NRXN3: variants seen among roughly 807,000 people sequenced by gnomAD.
NRXN3 encodes the protein neurexin 3.
NRXN3 carries 32 observed loss-of-function variants against 137.6 expected under a neutral mutation model. The ratio of observed to expected loss-of-function variants is 0.23; its 90% CI spans 0.18 to 0.31. The LOEUF is 0.31. Ranked by LOEUF, NRXN3 falls within the 10% of genes least tolerant of loss-of-function variation. NRXN3 has a pLI of 1.00. For synonymous variants in NRXN3, 798 were observed against 784.5 expected, an observed-to-expected ratio of 1.02 and a Z score of -0.29; for missense variants, 1,574 against 2,062.5, an observed-to-expected ratio of 0.76 and a Z score of 4.59.
At chr14:79,780,270 T>A (rs1208644992) in intron 19 of NRXN3, among the ~76,000 whole-genome samples, 1 of 152,136 alleles carries the variant, frequency 6.6e-6, no homozygotes, top group Non-Finnish European at 1.5e-5. Flanking sequence ...TTAGCTTATA[T>A]ACCAGTTTCA....
rs1261198228 is a variant in NRXN3 at position 78,359,915 on chromosome 14, A to G, written c.757+62055A>G. Among the ~76,000 whole-genome samples the G allele has an allele frequency of 3.3e-5, 5 of 151,986 alleles. 1 individual carries two copies. Among genetic ancestry groups the G allele is most frequent in the Admixed American group, 2.0e-4 (3 of 15,252 alleles). On this transcript the variant is annotated intron_variant, in intron 4 of 20. Coordinates refer to ENST00000335750, the MANE Select transcript of NRXN3 (RefSeq NM_001330195.2). ...TCTCCAGAACCTTATTCTGTCATCAATATCCCCCTGTCTCTCTTGAATTTT... is the reference window on the plus strand; with the variant it reads ...TCTCCAGAACCTTATTCTGTCATCAGTATCCCCCTGTCTCTCTTGAATTTT...
intron 15 of NRXN3, among the ~76,000 whole-genome samples, chr14:79,374,954 A>G (rs1198502365): frequency 6.6e-6 from 1 of 152,164 alleles, no homozygotes. Context: ...CATGAACAGC[A>G]GCATCCAAAA....
rs150905027 is a variant in NRXN3 at position 78,509,509 on chromosome 14, A to G, written c.758-135611A>G. ...TAATCATTTTTCTCTTTGCCACACAATGGAACTCTGCGATTTGGCCCTTCA... is the reference window on the plus strand; with the variant it reads ...TAATCATTTTTCTCTTTGCCACACAGTGGAACTCTGCGATTTGGCCCTTCA... On this transcript the variant is annotated intron_variant, in intron 4 of 20. Coordinates refer to ENST00000335750, the MANE Select transcript of NRXN3 (RefSeq NM_001330195.2). Among the ~76,000 whole-genome samples, 295 of 152,218 alleles carry G rather than the reference A, an allele frequency of 1.9e-3. 1 individual carries two copies. The highest frequency in any genetic ancestry group is 6.9e-3 in the African/African-American group (285 of 41,558).
At chr14:79,009,382 A>T (rs1423830166) in intron 15 of NRXN3, among the ~76,000 whole-genome samples, 1 of 152,214 alleles carries the variant, frequency 6.6e-6, no homozygotes, top group Non-Finnish European at 1.5e-5. Context: ...TTTACTGAGA[A>T]TCCAGGGATC....
At chr14:79,455,848 A>G (rs1477455684) in intron 15 of NRXN3, among the ~76,000 whole-genome samples, 4 of 151,852 alleles carry the variant, frequency 2.6e-5, no homozygotes, top group African/African-American at 7.2e-5. Flanking sequence ...TTCAAATATT[A>G]TCGGGTAAAT....
At chr14:78,409,088 A>G (rs1211435361) in intron 4 of NRXN3, among the ~76,000 whole-genome samples, 1 of 152,222 alleles carries the variant, frequency 6.6e-6, no homozygotes, top group Non-Finnish European at 1.5e-5. Flanking sequence ...CCTTCAATAA[A>G]TACTTACGAA....
intron 6 of NRXN3, among the ~76,000 whole-genome samples, chr14:78,664,440 A>G (rs963590844): frequency 6.6e-6 from 1 of 152,116 alleles, no homozygotes; most frequent in Non-Finnish European, 1.5e-5. Flanking sequence ...CATACTCAAA[A>G]TCACTTCTTT....
At chr14:79,046,051 T>C (rs900443720) in intron 15 of NRXN3, among the ~76,000 whole-genome samples, 1 of 152,214 alleles carries the variant, frequency 6.6e-6, no homozygotes, top group Admixed American at 6.5e-5. Context: ...ACCCTGAAAA[T>C]ATGTATATCT....
At chr14:78,658,733 G>C (rs184221963) in intron 6 of NRXN3, among the ~76,000 whole-genome samples, 1 of 152,192 alleles carries the variant, frequency 6.6e-6, no homozygotes, top group Admixed American at 6.5e-5. Flanking sequence ...TATTGCTTTG[G>C]GTAGCAAGGT....
intron 15 of NRXN3, among the ~76,000 whole-genome samples, chr14:79,162,560 A>G (rs1249288715): frequency 2.0e-5 from 3 of 151,900 alleles, no homozygotes; most frequent in Non-Finnish European, 4.4e-5. Context: ...ACACTTCTCA[A>G]AAGAAGACAT....
At chr14:79,836,298 C>G (rs8016336) in intron 20 of NRXN3, among the ~76,000 whole-genome samples, 137,939 of 151,906 alleles carry the variant, frequency 0.91, 62,651 homozygotes, top group East Asian at 0.95. Context: ...AACTTTCTTA[C>G]AACCATCAGT....
At chr14:79,273,405 C>T (rs1186781318) in intron 15 of NRXN3, among the ~76,000 whole-genome samples, 3 of 151,796 alleles carry the variant, frequency 2.0e-5, no homozygotes, top group Admixed American at 6.6e-5. Flanking sequence ...GAGGCCAAGA[C>T]GAGCGGATCA....
intron 16 of NRXN3, among the ~76,000 whole-genome samples, chr14:79,568,750 C>G (rs1034802678): frequency 2.6e-5 from 4 of 152,204 alleles, no homozygotes; most frequent in African/African-American, 9.6e-5. Flanking sequence ...GTTGTGCTGT[C>G]TTCCACTGCT....
chr14:78,837,225 C>G (rs1018240608), intron 10 of NRXN3, among the ~76,000 whole-genome samples: 1 of 152,210 alleles, frequency 6.6e-6, no homozygotes, highest in African/African-American at 2.4e-5. Flanking sequence ...AAGTCTCTCT[C>G]TCTTTCAGTC....
chr14:78,281,346 G>T (rs2074382735), intron 3 of NRXN3, among the ~76,000 whole-genome samples: 1 of 152,224 alleles, frequency 6.6e-6, no homozygotes, highest in Non-Finnish European at 1.5e-5. Flanking sequence ...GGGATTTTAT[G>T]AGCTAATGTA....
At position 79,431,745 on chromosome 14, in the gene NRXN3, C is replaced by T. The variant is rs143322579; in HGVS notation, c.3263-35476C>T. Among the ~76,000 whole-genome samples the T allele has an allele frequency of 7.4e-3, 1,119 of 152,122 alleles. 4 individuals carry two copies. Among genetic ancestry groups the T allele is most frequent in the Non-Finnish European group, 0.012 (843 of 67,950 alleles). The stretch of plus-strand genomic sequence containing the variant: ...AGTTGTACATAAATTTAAAATGAAC[C>T]TGCCTTACTGTTTCTTTTAAAAAAA... On this transcript the variant is annotated intron_variant, in intron 15 of 20. Coordinates refer to ENST00000335750, the MANE Select transcript of NRXN3 (RefSeq NM_001330195.2).
At chr14:78,952,021 G>A (rs144048763) in intron 10 of NRXN3, among the ~76,000 whole-genome samples, 29 of 152,224 alleles carry the variant, frequency 1.9e-4, no homozygotes, top group African/African-American at 6.7e-4. Flanking sequence ...CTCCTGGAGG[G>A]TGCTCAGGCT....
chr14:79,642,988 C>G (rs2098439440), intron 16 of NRXN3, among the ~76,000 whole-genome samples: 1 of 135,556 alleles, frequency 7.4e-6, no homozygotes, highest in South Asian at 2.3e-4. Context: ...GTAGAAGACT[C>G]TGCCAGCAGA....
At chr14:79,756,022 T>C (rs1442919577) in intron 19 of NRXN3, among the ~76,000 whole-genome samples, 1 of 152,154 alleles carries the variant, frequency 6.6e-6, no homozygotes, top group Non-Finnish European at 1.5e-5. Flanking sequence ...AGAAAATCTC[T>C]TACCTCTATC....
Sources: allele counts gnomAD v4.1 joint callset (sites outside exome capture counted in the v4.1 genomes callset), GRCh38; gene constraint gnomAD v4.1.1; transcripts MANE v1.5; gene names NCBI Gene and HGNC (gene_info 2026-07-23, HGNC 2026-07-21).